Variants in ABLIM2 observed in about 807,000 individuals in gnomAD.
The protein encoded by ABLIM2 is actin binding LIM protein family member 2.
Under a neutral mutation model 97.7 loss-of-function variants are expected in ABLIM2, and 53 were observed. The ratio of observed to expected loss-of-function variants is 0.54; its 90% CI spans 0.44 to 0.68. The LOEUF (loss-of-function observed/expected upper bound fraction) is 0.68. Among genes scored for constraint, ABLIM2 ranks in the 30% least tolerant of loss-of-function variants. ABLIM2 has a pLI of 0.00. For synonymous variants in ABLIM2, 361 were observed against 345.8 expected (o/e 1.04, Z -0.49); for missense variants, 835 against 867.2 (o/e 0.96, Z 0.47).
rs1358639196 is a variant in ABLIM2 at position 8,022,818 on chromosome 4, ACGGGGATGCTTCAGCATCCTTTAAC to A, written c.1268-2540_1268-2516del. On this transcript the variant is annotated intron_variant, in intron 12 of 20. Transcript: ENST00000447017. The surrounding 1 kb of genome is among the most constrained non-coding windows in gnomAD (Gnocchi z 7.8). ...CCAGGGGGCTTCTGATATGCTACAG[ACGGGGATGCTTCAGCATCCTTTAAC>A]CTGGGATGCTGCCTGTTAGGAGAGG... 2.0e-5 allele frequency: 3 copies of A among 152,364 alleles called. No individual in the cohort carries two copies. The highest frequency in any genetic ancestry group is 1.3e-4 in the Admixed American group (2 of 15,278). The allele number at this position is 152,364 out of a possible 1,614,324, so 9.4% of individuals were successfully genotyped here.
intron 8 of ABLIM2, among the ~76,000 whole-genome samples, chr4:8,053,352 A>G (rs1447458086): frequency 6.6e-6 from 1 of 152,168 alleles, no homozygotes; most frequent in Non-Finnish European, 1.5e-5. Context: ...TTGATGTCTC[A>G]TGTCTGCCTA....
rs974457777 is a variant in ABLIM2, at chr4:8,155,802, C to T, written c.10+2878G>A. Reference sequence around the variant, plus strand: ...AGACACACACAAAGGGAAGACGGGGCGAGGACACAGACACACACAAAGGGA... The same window carrying T: ...AGACACACACAAAGGGAAGACGGGGTGAGGACACAGACACACACAAAGGGA... On this transcript the variant is annotated intron_variant, in intron 1 of 20. Coordinates refer to ENST00000447017, the MANE Select transcript of ABLIM2 (RefSeq NM_001130083.2). This position sits in a 1 kb window ranked among gnomAD's most constrained non-coding sequence, Gnocchi z 4.2. Among the ~76,000 whole-genome samples, 2 of 150,666 alleles carry T rather than the reference C, an allele frequency of 1.3e-5. No individual in the cohort carries two copies. Among genetic ancestry groups the T allele is most frequent in the South Asian group, 2.1e-4 (1 of 4,752 alleles).
At chr4:7,969,321 G>A (rs1254529988) in intron 20 of ABLIM2, among the ~76,000 whole-genome samples, 1 of 151,870 alleles carries the variant, frequency 6.6e-6, no homozygotes, top group Non-Finnish European at 1.5e-5. Context: ...GGGTGCGCTG[G>A]CGTGTACCTG....
At chr4:8,076,148 G>T (rs970423301) in intron 6 of ABLIM2, among the ~76,000 whole-genome samples, 4 of 152,228 alleles carry the variant, frequency 2.6e-5, no homozygotes, top group African/African-American at 7.2e-5. Flanking sequence ...CTGCAGCTGG[G>T]GAAGTGAGAC....
intron 15 of ABLIM2, among the ~76,000 whole-genome samples, chr4:8,008,597 T>C (rs1307354011): frequency 6.6e-6 from 1 of 152,228 alleles, no homozygotes; most frequent in Non-Finnish European, 1.5e-5. Context: ...CCTTTTGTCA[T>C]GAATACGTTG....
At position 7,999,146 on chromosome 4, in the gene ABLIM2, A is replaced by ACCTC. The variant is rs1016429015; in HGVS notation, c.1619-6223_1619-6220dup. Among the ~76,000 whole-genome samples the ACCTC allele has an allele frequency of 6.6e-6, 1 of 151,928 alleles. No homozygotes were observed. The highest frequency in any genetic ancestry group is 2.4e-5 in the African/African-American group (1 of 41,338). ...AATGGCGTGATCTTGGCTCACTGCA[A>ACCTC]CCTCCTGGGTTCAAGCGATTCTCCT... On this transcript the variant is annotated intron_variant, in intron 16 of 20. Coordinates refer to ENST00000447017, the MANE Select transcript of ABLIM2 (RefSeq NM_001130083.2). This position sits in a 1 kb window ranked among gnomAD's most constrained non-coding sequence, Gnocchi z 4.4.
Position 7,998,554 on chromosome 4 carries a change from G to C in ABLIM2, c.1619-5627C>G. 1 of 457,472 alleles carries C rather than the reference G, an allele frequency of 2.2e-6. No individual in the cohort carries two copies. The highest frequency in any genetic ancestry group is 4.4e-6 in the Non-Finnish European group (1 of 226,596). The allele number at this position is 457,472 out of a possible 1,614,324, so 28.3% of individuals were successfully genotyped here. On this transcript the variant is annotated intron_variant, in intron 16 of 20. Coordinates refer to ENST00000447017, the MANE Select transcript of ABLIM2 (RefSeq NM_001130083.2). This position sits in a 1 kb window ranked among gnomAD's most constrained non-coding sequence, Gnocchi z 6.4. Reference sequence around the variant, plus strand: ...GGTGGGGGTGGGAGATGCCTGCCACGGGTGGAGACCATGCCCCTGGGTTCA... The same window carrying C: ...GGTGGGGGTGGGAGATGCCTGCCACCGGTGGAGACCATGCCCCTGGGTTCA...
In ABLIM2 at chr4:8,087,987, C is replaced by G. The variant is rs1392148401; in HGVS notation, c.454+182G>C. ...CCAAGCCCCCAACTCAGCACCCCCC[C>G]CACAACCAGCAAGCCCCCACTTAGC... On this transcript the variant is annotated intron_variant, in intron 4 of 20. Coordinates refer to ENST00000447017, the MANE Select transcript of ABLIM2 (RefSeq NM_001130083.2). The surrounding 1 kb of genome is among the most constrained non-coding windows in gnomAD (Gnocchi z 4.6). 7.9e-6 allele frequency among the ~76,000 whole-genome samples: 1 copy of G among 126,384 alleles called. No individual in the cohort carries two copies. Among genetic ancestry groups the G allele is most frequent in the Admixed American group, 8.2e-5 (1 of 12,166 alleles). The allele number at this position is 126,384 out of a possible 152,430, so 82.9% of individuals were successfully genotyped here. A position where few individuals can be genotyped will look rare whatever the true frequency, so the allele number is the denominator to read the frequency against.
Position 8,134,886 on chromosome 4 carries a change from A to C in ABLIM2, c.10+23794T>G, listed in dbSNP as rs527794932. Among the ~76,000 whole-genome samples, 7 of 152,358 alleles carry C rather than the reference A, an allele frequency of 4.6e-5. No homozygotes were observed. In the South Asian group the frequency reaches 1.4e-3, roughly 32 times the overall value. On this transcript the variant is annotated intron_variant, in intron 1 of 20. Coordinates refer to ENST00000447017, the MANE Select transcript of ABLIM2 (RefSeq NM_001130083.2). ...ACATGTCTATTTGCATGTGGGTGCA[A>C]AGACATACGTGTGAGAATTTTCATC...
rs140069370 is a variant in ABLIM2 at position 7,989,259 on chromosome 4, A to G, written c.1680+3607T>C. 1.3e-3 allele frequency among the ~76,000 whole-genome samples: 200 copies of G among 152,020 alleles called. 1 individual carries two copies. The highest frequency in any genetic ancestry group is 4.7e-3 in the African/African-American group (195 of 41,472). On this transcript the variant is annotated intron_variant, in intron 17 of 20. Coordinates refer to ENST00000447017, the MANE Select transcript of ABLIM2 (RefSeq NM_001130083.2). ...ATGACTGGCTAATTTTTCTATTTTT[A>G]GTAGAGATGGGGTTTCACCATGTTG... is the stretch of plus-strand genomic sequence containing the variant.
chr4:8,128,830 T>C lies in ABLIM2; in HGVS notation c.11-22193A>G, dbSNP rs530607232. ...AGAGGCCAGAGGCTGCCTCGCTCTTTCTACCACATGAGGGTGCGAGGAAAA... is the reference window on the plus strand; with the variant it reads ...AGAGGCCAGAGGCTGCCTCGCTCTTCCTACCACATGAGGGTGCGAGGAAAA... On this transcript the variant is annotated intron_variant, in intron 1 of 20. Transcript: ENST00000447017. This position sits in a 1 kb window ranked among gnomAD's most constrained non-coding sequence, Gnocchi z 4.9. 2.3e-3 allele frequency among the ~76,000 whole-genome samples: 351 copies of C among 152,268 alleles called. 3 individuals carry two copies. The highest frequency in any genetic ancestry group is 6.8e-3 in the Middle Eastern group (2 of 294).
rs1229313869 is a variant in ABLIM2, at chr4:8,019,355, C to G, written c.1423+263G>C. On this transcript the variant is annotated intron_variant, in intron 14 of 20. Transcript: ENST00000447017. The surrounding 1 kb of genome is among the most constrained non-coding windows in gnomAD (Gnocchi z 4.3). ...CAGGCTCTTGGCTATAAACCCCCAT[C>G]CCAAGCCCTGGCTGATGTGCATTAG... is the stretch of plus-strand genomic sequence containing the variant. Among the ~76,000 whole-genome samples, 1 of 152,208 alleles carries G rather than the reference C, an allele frequency of 6.6e-6. No individual in the cohort carries two copies. Among genetic ancestry groups the G allele is most frequent in the Non-Finnish European group, 1.5e-5 (1 of 68,044 alleles).
At chr4:8,051,584 A>C (rs1022274227) in intron 8 of ABLIM2, among the ~76,000 whole-genome samples, 14 of 151,788 alleles carry the variant, frequency 9.2e-5, no homozygotes, top group Non-Finnish European at 1.5e-5. Flanking sequence ...AAAAAAGAAA[A>C]GAAAAGAAAT....
chr4:8,158,094 C>CGACGCGCAGGGGCGAGGGGCTGGA lies in ABLIM2; in HGVS notation c.10+562_10+585dup, dbSNP rs1336033688. Among the ~76,000 whole-genome samples the CGACGCGCAGGGGCGAGGGGCTGGA allele has an allele frequency of 1.2e-4, 18 of 152,314 alleles. No homozygotes were observed. In the South Asian group the frequency reaches 3.7e-3, roughly 32 times the overall value. ...GGGTGCGGCGGGAAAGGCAGGGGTG[C>CGACGCGCAGGGGCGAGGGGCTGGA]GACGCGCAGGGGCGAGGGGCTGGAG... On this transcript the variant is annotated intron_variant, in intron 1 of 20. Transcript: ENST00000447017.
At chr4:8,051,054 C>T (rs1426931569) in intron 8 of ABLIM2, among the ~76,000 whole-genome samples, 5 of 152,258 alleles carry the variant, frequency 3.3e-5, no homozygotes, top group Non-Finnish European at 5.9e-5. Flanking sequence ...CACGGGCTGG[C>T]ATCAGTGGGG....
chr4:7,989,961 G>A (rs1055973691), intron 17 of ABLIM2, among the ~76,000 whole-genome samples: 2 of 152,194 alleles, frequency 1.3e-5, no homozygotes, highest in Non-Finnish European at 2.9e-5. Context: ...CCATGCATCA[G>A]GCACTGTGGC....
At position 8,125,695 on chromosome 4, in the gene ABLIM2, G is replaced by A. The variant is rs995617561; in HGVS notation, c.11-19058C>T. 1.3e-5 allele frequency among the ~76,000 whole-genome samples: 2 copies of A among 152,230 alleles called. No homozygotes were observed. The highest frequency in any genetic ancestry group is 2.9e-5 in the Non-Finnish European group (2 of 68,036). ...CAGTTGGTGGAAGCACAGTGGGCCT[G>A]AGAAGGCATCGCAGACTCAGCTGAG... On this transcript the variant is annotated intron_variant, in intron 1 of 20. Coordinates refer to ENST00000447017, the MANE Select transcript of ABLIM2 (RefSeq NM_001130083.2). This position sits in a 1 kb window ranked among gnomAD's most constrained non-coding sequence, Gnocchi z 6.2.
intron 3 of ABLIM2, among the ~76,000 whole-genome samples, chr4:8,093,368 G>C (rs1829882132): frequency 6.6e-6 from 1 of 152,192 alleles, no homozygotes; most frequent in African/African-American, 2.4e-5. Context: ...AAAACTTCCT[G>C]TAAGTTTATT....
chr4:8,091,831 A>ATATAATATATTATATACAATATATTATAT (rs1340477145), intron 3 of ABLIM2, among the ~76,000 whole-genome samples: 1 of 96,828 alleles, frequency 1.0e-5, no homozygotes, highest in Admixed American at 1.7e-4. Flanking sequence ...ATATTATATA[A>ATATAATATATTATATACAATATATTATAT]ATAATATAAT....
Sources: gnomAD v4.1 joint callset for allele counts (sites outside exome capture counted in the v4.1 genomes callset) on GRCh38, gnomAD v4.1.1 for gene constraint, Gnocchi (gnomAD v3.1) non-coding constraint, MANE v1.5 for transcripts, NCBI Gene and HGNC (gene_info 2026-07-23, HGNC 2026-07-21) for gene names.